The following CPNE8 variants were observed in gnomAD, a reference collection of about 807,000 sequenced individuals.
CPNE8 encodes copine-8.
A neutral mutation model predicts 81.5 loss-of-function variants in CPNE8; 45 were observed. The ratio of observed to expected loss-of-function variants is 0.55; its 90% CI spans 0.44 to 0.71. The LOEUF is 0.71. Ranked by LOEUF, CPNE8 falls within the 30% of genes least tolerant of loss-of-function variation. The probability of loss-of-function intolerance (pLI) is 0.00; values close to 1 mark genes in which losing one functional copy is unlikely to be tolerated. For missense variants in CPNE8, 594 were observed against 672.1 expected (o/e 0.88, Z 1.28); for synonymous variants, 252 against 226.3 (o/e 1.11, Z -1.02).
rs551171774 is a variant in CPNE8 at position 38,663,927 on chromosome 12, C to A, written c.1506+6802G>T. On this transcript the variant is annotated intron_variant, in intron 19 of 19. Transcript: ENST00000331366. ...ATATGTGTAAGCTAAAAAAGTTGAT[C>A]TCATAGAAATAGAGAGTAGAATAGT... Among the ~76,000 whole-genome samples, 4 of 152,046 alleles carry A rather than the reference C, an allele frequency of 2.6e-5. No individual in the cohort carries two copies. In the South Asian group the frequency reaches 8.3e-4, roughly 32 times the overall value.
intron 7 of CPNE8, among the ~76,000 whole-genome samples, chr12:38,772,791 C>A (rs1941829992): frequency 6.6e-6 from 1 of 152,130 alleles, no homozygotes; most frequent in South Asian, 2.1e-4. Context: ...AGACTGAAAT[C>A]AGTATCTTGA....
intron 11 of CPNE8, among the ~76,000 whole-genome samples, chr12:38,729,063 T>C (rs1195597153): frequency 6.6e-6 from 1 of 152,034 alleles, no homozygotes; most frequent in East Asian, 1.9e-4. Context: ...GATGAGAAAA[T>C]GCTACAAAAG....
intron 6 of CPNE8, among the ~76,000 whole-genome samples, chr12:38,810,777 A>G (rs1457279567): frequency 2.6e-5 from 4 of 152,064 alleles, no homozygotes; most frequent in Non-Finnish European, 4.4e-5. Context: ...CTATGTTTTT[A>G]TCTAGTGGAT....
At chr12:38,656,481 C>T (rs1043910843) in intron 19 of CPNE8, among the ~76,000 whole-genome samples, 12 of 151,984 alleles carry the variant, frequency 7.9e-5, no homozygotes, top group Admixed American at 2.6e-4. Flanking sequence ...CAACTTTGGT[C>T]TCATATTCTT....
chr12:38,832,615 G>A (rs1943306309), intron 5 of CPNE8, among the ~76,000 whole-genome samples: 1 of 152,164 alleles, frequency 6.6e-6, no homozygotes, highest in Non-Finnish European at 1.5e-5. Flanking sequence ...ATTCAGGTGA[G>A]TATAATGTAC....
intron 10 of CPNE8, among the ~76,000 whole-genome samples, chr12:38,737,680 A>T (rs1294558575): frequency 6.6e-6 from 1 of 152,102 alleles, no homozygotes; most frequent in Non-Finnish European, 1.5e-5. Context: ...TCATTGAAAG[A>T]TAATAATTTC....
In CPNE8 at chr12:38,860,833, C is replaced by G. The variant is rs544561214; in HGVS notation, c.186+12171G>C. Among the ~76,000 whole-genome samples the G allele has an allele frequency of 5.5e-4, 84 of 151,964 alleles. 1 individual carries two copies. The Middle Eastern group carries it at 0.01, about 18-fold the overall frequency. Reference sequence around the variant, plus strand: ...AGCAAAAAGTAGAAGAATGTCTGTCCGGGGTTGAAGGGAGGGAAAACTGGG... The same window carrying G: ...AGCAAAAAGTAGAAGAATGTCTGTCGGGGGTTGAAGGGAGGGAAAACTGGG... On this transcript the variant is annotated intron_variant, in intron 3 of 19. Transcript: ENST00000331366.
intron 7 of CPNE8, among the ~76,000 whole-genome samples, chr12:38,773,430 C>T (rs907307213): frequency 3.9e-5 from 6 of 151,972 alleles, no homozygotes; most frequent in East Asian, 1.9e-4. Flanking sequence ...TGTCTCCAGA[C>T]TCATCATGAT....
At chr12:38,856,486 C>T (rs1015540600) in intron 3 of CPNE8, among the ~76,000 whole-genome samples, 1 of 152,104 alleles carries the variant, frequency 6.6e-6, no homozygotes, top group Non-Finnish European at 1.5e-5. Context: ...AATTCAACAG[C>T]ACATTAAAAG....
chr12:38,728,999 G>T (rs1218963744), intron 11 of CPNE8, among the ~76,000 whole-genome samples: 1 of 152,130 alleles, frequency 6.6e-6, no homozygotes, highest in Admixed American at 6.5e-5. Context: ...CACCAGTCTT[G>T]TCAGTTAGCA....
At chr12:38,740,373 A>C (rs1485815756) in intron 10 of CPNE8, among the ~76,000 whole-genome samples, 1 of 152,150 alleles carries the variant, frequency 6.6e-6, no homozygotes, top group African/African-American at 2.4e-5. Context: ...TCTTTTCCTA[A>C]TTGAATACTG....
chr12:38,753,225 G>A (rs1941388646), intron 10 of CPNE8, among the ~76,000 whole-genome samples: 1 of 152,146 alleles, frequency 6.6e-6, no homozygotes, highest in Admixed American at 6.5e-5. Context: ...GCCGAGACGG[G>A]TGGATCACTT....
intron 13 of CPNE8, among the ~76,000 whole-genome samples, chr12:38,722,360 C>T (rs1025738370): frequency 2.0e-5 from 3 of 151,870 alleles, no homozygotes; most frequent in Admixed American, 1.3e-4. Flanking sequence ...TTTGGATGCC[C>T]GTATATAGCA....
chr12:38,889,969 A>T (rs1048051798), intron 1 of CPNE8, among the ~76,000 whole-genome samples: 1 of 152,212 alleles, frequency 6.6e-6, no homozygotes, highest in Non-Finnish European at 1.5e-5. Context: ...AAAACCTCTG[A>T]AGCAATTTTG....
chr12:38,671,387 T>C (rs1192481543), intron 18 of CPNE8, among the ~76,000 whole-genome samples: 1 of 152,150 alleles, frequency 6.6e-6, no homozygotes, highest in Admixed American at 6.5e-5. Context: ...GTATGATTTT[T>C]CTGAAGTACA....
intron 5 of CPNE8, among the ~76,000 whole-genome samples, chr12:38,831,871 T>C (rs1038439341): frequency 2.0e-5 from 3 of 152,242 alleles, no homozygotes; most frequent in Admixed American, 6.5e-5. Flanking sequence ...GTTATGCTTA[T>C]GCGCACCTGC....
At chr12:38,756,858 A>T (rs1312575632) in intron 10 of CPNE8, among the ~76,000 whole-genome samples, 4 of 152,334 alleles carry the variant, frequency 2.6e-5, no homozygotes, top group Admixed American at 6.5e-5. Context: ...AGGTAGTCTG[A>T]ATTGAGATGT....
chr12:38,673,942 A>T (rs1392322212), intron 18 of CPNE8, among the ~76,000 whole-genome samples: 1 of 152,068 alleles, frequency 6.6e-6, no homozygotes, highest in African/African-American at 2.4e-5. Flanking sequence ...TTTTGGAGGG[A>T]AAAAGTAATG....
chr12:38,747,652 T>C (rs905678453), intron 10 of CPNE8, among the ~76,000 whole-genome samples: 1 of 152,168 alleles, frequency 6.6e-6, no homozygotes, highest in Admixed American at 6.5e-5. Flanking sequence ...TAGTAGACAT[T>C]AGCCACCTGC....
Sources: allele counts gnomAD v4.1 joint callset (sites outside exome capture counted in the v4.1 genomes callset), GRCh38; gene constraint gnomAD v4.1.1; transcripts MANE v1.5; gene names NCBI Gene and HGNC (gene_info 2026-07-23, HGNC 2026-07-21).